The following SRGAP2B variants were observed in gnomAD, a reference collection of about 807,000 sequenced individuals.
SRGAP2B encodes SLIT-ROBO Rho GTPase-activating protein 2B.
SRGAP2B carries 9 observed loss-of-function variants against 22.2 expected under a neutral mutation model. The observed-to-expected ratio is 0.41, with a 90% CI of 0.24 to 0.71. The LOEUF (loss-of-function observed/expected upper bound fraction) is 0.71. Ranked by LOEUF, SRGAP2B falls within the 30% of genes least tolerant of loss-of-function variation. SRGAP2B has a pLI of 0.35. For synonymous variants in SRGAP2B, 36 were observed against 87.4 expected (o/e 0.41, Z 3.28); for missense variants, 114 against 235.8 (o/e 0.48, Z 3.38).
At chr1:144,907,141 G>A (rs1663049047) in intron 5 of SRGAP2B, among the ~76,000 whole-genome samples, 2 of 72,414 alleles carry the variant, frequency 2.8e-5, no homozygotes, top group South Asian at 3.7e-4. Flanking sequence ...GTGTGTGCGT[G>A]TGTGTGTGTG....
chr1:145,048,614 T>TA (rs1650011404), intron 2 of SRGAP2B, among the ~76,000 whole-genome samples: 1 of 127,056 alleles, frequency 7.9e-6, no homozygotes, highest in Non-Finnish European at 1.7e-5. Flanking sequence ...GATTGACCCC[T>TA]ACAGCTTTAT....
chr1:144,971,181 A>AG (rs1173296015), intron 3 of SRGAP2B, among the ~76,000 whole-genome samples: 1 of 147,012 alleles, frequency 6.8e-6, no homozygotes, highest in African/African-American at 2.6e-5. Context: ...TCCAGGCTAG[A>AG]GTGCAATGGT....
intron 4 of SRGAP2B, chr1:144,918,391 C>T (rs1413412445): frequency 6.8e-6 from 1 of 148,054 alleles, no homozygotes; most frequent in African/African-American, 2.6e-5. Flanking sequence ...TTTTGAAACT[C>T]ACCACAACCA....
chr1:145,010,695 C>T (rs1671988796), intron 2 of SRGAP2B, among the ~76,000 whole-genome samples: 1 of 150,674 alleles, frequency 6.6e-6, no homozygotes, highest in Non-Finnish European at 1.5e-5. Flanking sequence ...TTCACCCTCA[C>T]CAGCCACCCT....
At chr1:144,903,899 C>T (rs1375407407) in intron 7 of SRGAP2B, among the ~76,000 whole-genome samples, 2 of 146,294 alleles carry the variant, frequency 1.4e-5, no homozygotes, top group South Asian at 2.2e-4. Flanking sequence ...GGTGTAATTA[C>T]ATAGCTTCAC....
intron 3 of SRGAP2B, among the ~76,000 whole-genome samples, chr1:144,989,779 G>C (rs1201123826): frequency 6.9e-6 from 1 of 145,660 alleles, no homozygotes; most frequent in Non-Finnish European, 1.5e-5. Context: ...CCAGGTTCTT[G>C]TGCCACCTTG....
At chr1:145,011,535 T>A (rs1672050873) in intron 2 of SRGAP2B, among the ~76,000 whole-genome samples, 1 of 150,432 alleles carries the variant, frequency 6.6e-6, no homozygotes, top group South Asian at 2.1e-4. Context: ...TGACACCCCA[T>A]CCTGACCACA....
At chr1:144,958,022 C>T (rs1243621433) in intron 3 of SRGAP2B, among the ~76,000 whole-genome samples, 1 of 149,586 alleles carries the variant, frequency 6.7e-6, no homozygotes, top group Non-Finnish European at 1.5e-5. Flanking sequence ...AATGTACACA[C>T]ATTTGTATCT....
In SRGAP2B at chr1:145,009,413, C is replaced by A. The variant is rs1671871216; in HGVS notation, c.68-14213G>T. On this transcript the variant is annotated intron_variant, in intron 2 of 9. Transcript: ENST00000612199. Reference sequence around the variant, plus strand: ...ACCATCCCGGCTAAAACGGTGAAACCCCGTCTCTACTAAAAATACAAAAAA... The same window carrying A: ...ACCATCCCGGCTAAAACGGTGAAACACCGTCTCTACTAAAAATACAAAAAA... Among the ~76,000 whole-genome samples the A allele has an allele frequency of 2.7e-5, 4 of 147,810 alleles. No individual in the cohort carries two copies. The South Asian group carries it at 8.4e-4, about 31-fold the overall frequency.
chr1:145,015,609 T>C (rs1484249423), intron 2 of SRGAP2B, among the ~76,000 whole-genome samples: 3 of 150,222 alleles, frequency 2.0e-5, no homozygotes, highest in Admixed American at 2.0e-4. Context: ...AGCAAGAGGC[T>C]CGCAGAGGAG....
chr1:145,017,783 C>A (rs1553623483), intron 2 of SRGAP2B, among the ~76,000 whole-genome samples: 1 of 149,700 alleles, frequency 6.7e-6, no homozygotes, highest in African/African-American at 2.5e-5. Flanking sequence ...AACAATGAAT[C>A]TTTGGCGGAT....
intron 2 of SRGAP2B, among the ~76,000 whole-genome samples, chr1:145,064,704 A>G (rs2788769): frequency 1.3e-5 from 2 of 150,388 alleles, no homozygotes; most frequent in Non-Finnish European, 2.9e-5. Context: ...CAGAGGAGAT[A>G]GAGCTTTTAC....
At chr1:144,957,745 GA>G (rs1667370124) in intron 3 of SRGAP2B, among the ~76,000 whole-genome samples, 1 of 150,434 alleles carries the variant, frequency 6.6e-6, no homozygotes, top group Non-Finnish European at 1.5e-5. Flanking sequence ...TCCATTGCAA[GA>G]AAACTTTCAA....
intron 2 of SRGAP2B, among the ~76,000 whole-genome samples, chr1:145,005,986 C>T (rs587676175): frequency 1.3e-5 from 2 of 150,996 alleles, no homozygotes; most frequent in South Asian, 2.1e-4. Context: ...ATGAACACAA[C>T]TACCTTGCTG....
At chr1:145,030,235 T>C (rs1224216491) in intron 2 of SRGAP2B, among the ~76,000 whole-genome samples, 9 of 149,126 alleles carry the variant, frequency 6.0e-5, no homozygotes, top group African/African-American at 2.0e-4. Context: ...CTTCCTCCAT[T>C]CTGCTCCCAT....
intron 4 of SRGAP2B, among the ~76,000 whole-genome samples, chr1:144,929,445 C>T (rs1402987578): frequency 1.3e-5 from 2 of 150,680 alleles, no homozygotes; most frequent in Non-Finnish European, 2.9e-5. Flanking sequence ...TTGGCTCTTG[C>T]ATTTATGCCT....
intron 4 of SRGAP2B, among the ~76,000 whole-genome samples, chr1:144,924,956 A>G (rs2101797449): frequency 6.7e-6 from 1 of 148,870 alleles, no homozygotes; most frequent in South Asian, 2.1e-4. Context: ...AGCCTATGTT[A>G]TTAAGTATAT....
chr1:144,943,278 G>T (rs1666201926), intron 4 of SRGAP2B, among the ~76,000 whole-genome samples: 1 of 145,234 alleles, frequency 6.9e-6, no homozygotes, highest in South Asian at 2.2e-4. Flanking sequence ...ATACTGGCTT[G>T]GACAAACTAG....
At chr1:144,889,049 G>A (rs1300704837) in exon 10 of SRGAP2B, 20 of 142,158 alleles carry the variant, frequency 1.4e-4, no homozygotes, top group South Asian at 2.2e-4. Context: ...ATGCCTCCCC[G>A]GTTCAAGTAA....
Sources: gnomAD v4.1 joint callset for allele counts (sites outside exome capture counted in the v4.1 genomes callset) on GRCh38, gnomAD v4.1.1 for gene constraint, MANE v1.5 for transcripts, NCBI Gene and HGNC (gene_info 2026-07-23, HGNC 2026-07-21) for gene names.